NAA15: variants seen among roughly 807,000 people sequenced by gnomAD.
The protein encoded by NAA15 is N-terminal acetyltransferase.
NAA15 carries 34 observed loss-of-function variants against 114.0 expected under a neutral mutation model. The observed-to-expected ratio is 0.30, with a 90% CI of 0.23 to 0.40. The LOEUF (loss-of-function observed/expected upper bound fraction) is 0.40. Ranked by LOEUF, NAA15 falls within the 10% of genes least tolerant of loss-of-function variation. NAA15 has a pLI of 1.00. For missense variants in NAA15, 658 were observed against 1,004.5 expected (o/e 0.66, Z 4.66); for synonymous variants, 340 against 338.0 (o/e 1.01, Z -0.06).
At chr4:139,372,383 A>C (rs2110981899) in intron 15 of NAA15, among the ~76,000 whole-genome samples, 1 of 152,298 alleles carries the variant, frequency 6.6e-6, no homozygotes, top group Non-Finnish European at 1.5e-5. Flanking sequence ...CCTGTGGTCT[A>C]ATTATTTGTA....
chr4:139,349,675 T>A (rs1747717126), intron 7 of NAA15, 94 bp downstream of exon 7: 1 of 1,310,758 alleles, frequency 7.6e-7, no homozygotes, highest in African/African-American at 1.5e-5. Context: ...ATAATAGTGG[T>A]TAAGAATTGG....
At chr4:139,328,340 G>A (rs374963686) in intron 1 of NAA15, among the ~76,000 whole-genome samples, 20 of 152,036 alleles carry the variant, frequency 1.3e-4, no homozygotes, top group African/African-American at 4.6e-4. Flanking sequence ...CCAAGTAGCT[G>A]GGATTACAGG....
intron 10 of NAA15, chr4:139,356,718 A>G (rs1747963116): frequency 6.6e-6 from 1 of 152,134 alleles, no homozygotes; most frequent in Admixed American, 6.5e-5. Context: ...TTAAAAAAGA[A>G]TTTTTTAACG....
chr4:139,386,660 A>G (rs1247466909), intron 19 of NAA15: 1 of 152,838 alleles, frequency 6.5e-6, no homozygotes, highest in Middle Eastern at 3.4e-3. Context: ...GTGAGACCCC[A>G]TCTCTTAAAA....
chr4:139,360,469 G>C, intron 12 of NAA15, 31 bp from the exon 13 acceptor site: 1 of 1,489,364 alleles, frequency 6.7e-7, no homozygotes, highest in Non-Finnish European at 9.0e-7. Context: ...ATGATAAAAA[G>C]TGATCTTGAA....
chr4:139,376,558 C>T, intron 16 of NAA15, 85 bp downstream of exon 16: 2 of 822,470 alleles, frequency 2.4e-6, no homozygotes, highest in Non-Finnish European at 4.1e-6. Flanking sequence ...AGCCTTACCA[C>T]TGTACGATTA....
intron 19 of NAA15, chr4:139,386,634 A>G (rs1007081757): frequency 6.5e-6 from 1 of 153,456 alleles, no homozygotes; most frequent in African/African-American, 2.4e-5. Flanking sequence ...AGTTCGAGAC[A>G]AGCCAGGGCA....
intron 1 of NAA15, among the ~76,000 whole-genome samples, chr4:139,333,220 A>G (rs2096104649): frequency 6.6e-6 from 1 of 152,058 alleles, no homozygotes; most frequent in East Asian, 1.9e-4. Flanking sequence ...ACCCATGGAT[A>G]TGGGGCCTGA....
intron 1 of NAA15, among the ~76,000 whole-genome samples, chr4:139,314,816 TA>T (rs1162351670): frequency 1.3e-5 from 2 of 151,762 alleles, no homozygotes; most frequent in Non-Finnish European, 2.9e-5. Flanking sequence ...TAGCTGGGAT[TA>T]CAGGCGTGTG....
chr4:139,344,381 T>C (rs753128736), intron 6 of NAA15, 42 bp downstream of exon 6: 4 of 1,540,014 alleles, frequency 2.6e-6, no homozygotes, highest in Admixed American at 1.8e-5. Context: ...TATTGAAATA[T>C]GACAGAGCAA....
intron 1 of NAA15, among the ~76,000 whole-genome samples, chr4:139,305,618 A>G (rs1222239968): frequency 6.6e-6 from 1 of 150,792 alleles, no homozygotes; most frequent in Non-Finnish European, 1.5e-5. Context: ...GCTCACCGAA[A>G]CCTCTGTCTC....
intron 14 of NAA15, among the ~76,000 whole-genome samples, chr4:139,365,757 G>T (rs1478947437): frequency 3.9e-5 from 6 of 152,056 alleles, no homozygotes; most frequent in Non-Finnish European, 7.4e-5. Context: ...AGGCAGGAGT[G>T]GAAGGATCTT....
At chr4:139,334,477 C>G (rs980011746) in intron 2 of NAA15, among the ~76,000 whole-genome samples, 5 of 143,708 alleles carry the variant, frequency 3.5e-5, no homozygotes, top group Non-Finnish European at 7.7e-5. Context: ...TTGAATATTA[C>G]CTCTGTAGGA....
In NAA15 at chr4:139,334,157, CT is replaced by C; in HGVS notation, c.55-11del. On this transcript the variant is annotated splice_polypyrimidine_tract_variant and intron_variant, in intron 1 of 19. Coordinates refer to ENST00000296543, the MANE Select transcript of NAA15 (RefSeq NM_057175.5). ...TATTCCTTGCTAAACTTAAATTTTT[CT>C]TTTTTGTTTTGACAGAGGTGTTATG... 6.5e-7 allele frequency: 1 copy of C among 1,537,806 alleles called. No homozygotes were observed. The highest frequency in any genetic ancestry group is 2.0e-5 in the Admixed American group (1 of 50,236).
intron 15 of NAA15, among the ~76,000 whole-genome samples, chr4:139,373,202 C>T (rs1297129860): frequency 2.6e-5 from 4 of 151,968 alleles, no homozygotes; most frequent in Admixed American, 2.0e-4. Context: ...TATTGTTGTG[C>T]GAACATCATA....
intron 7 of NAA15, among the ~76,000 whole-genome samples, chr4:139,350,128 CA>C (rs1747730256): frequency 6.6e-6 from 1 of 151,886 alleles, no homozygotes; most frequent in African/African-American, 2.4e-5. Context: ...AAAAAATTCA[CA>C]AATGCATAGT....
intron 14 of NAA15, among the ~76,000 whole-genome samples, chr4:139,366,493 A>AC (rs1748288554): frequency 6.6e-6 from 1 of 152,164 alleles, no homozygotes; most frequent in African/African-American, 2.4e-5. Flanking sequence ...GAAAAGAGTC[A>AC]CCAAGCACAA....
Position 139,301,586 on chromosome 4 carries a change from T to G in NAA15, c.-192T>G. ...TGGGGGAGGCGGCGGCAGCGTTAAG[T>G]GAGAAAGGAAAAAAGACAACGAGGA... On this transcript the variant is annotated 5_prime_UTR_variant, in exon 1 of 20. Transcript: ENST00000296543. 1.6e-6 allele frequency: 1 copy of G among 622,256 alleles called. No homozygotes were observed. 38.5% of individuals were successfully genotyped at this position (622,256 alleles called of 1,614,324 possible).
intron 3 of NAA15, among the ~76,000 whole-genome samples, chr4:139,337,502 T>A (rs138468040): frequency 6.6e-6 from 1 of 152,288 alleles, no homozygotes; most frequent in African/African-American, 2.4e-5. Flanking sequence ...CTGTGTTGGT[T>A]TAAAGACTTA....
Sources: allele counts gnomAD v4.1 joint callset (sites outside exome capture counted in the v4.1 genomes callset), GRCh38; gene constraint gnomAD v4.1.1; transcripts MANE v1.5; gene names NCBI Gene and HGNC (gene_info 2026-07-23, HGNC 2026-07-21).